KDM2B: variants seen among roughly 807,000 people sequenced by gnomAD.
KDM2B encodes lysine-specific demethylase 2B.
A neutral mutation model predicts 150.0 loss-of-function variants in KDM2B; 26 were observed. That is an observed-to-expected ratio of 0.17 (90% CI 0.13 to 0.24). The LOEUF is 0.24. Among genes scored for constraint, KDM2B ranks in the 10% least tolerant of loss-of-function variants. KDM2B has a pLI of 1.00. For synonymous variants in KDM2B, 734 were observed against 729.5 expected (o/e 1.01, Z -0.10); for missense variants, 1,265 against 1,816.9 (o/e 0.70, Z 5.52).
intron 6 of KDM2B, among the ~76,000 whole-genome samples, chr12:121,546,511 T>C (rs1428029935): frequency 2.0e-5 from 3 of 147,234 alleles, no homozygotes; most frequent in African/African-American, 5.1e-5. Flanking sequence ...GCCTCCCGAG[T>C]AGCTGGGACT....
intron 13 of KDM2B, among the ~76,000 whole-genome samples, chr12:121,449,248 G>C (rs1233781980): frequency 1.3e-5 from 2 of 152,148 alleles, no homozygotes; most frequent in African/African-American, 4.8e-5. Context: ...CATGACACTG[G>C]CAGGGACATG....
At chr12:121,460,429 C>T (rs1555293578) in intron 12 of KDM2B, among the ~76,000 whole-genome samples, 3 of 152,180 alleles carry the variant, frequency 2.0e-5, no homozygotes, top group African/African-American at 7.2e-5. Context: ...GACAGGGTCT[C>T]GCTCTGTCAC....
At chr12:121,457,053 G>T (rs893688544) in intron 12 of KDM2B, among the ~76,000 whole-genome samples, 2 of 152,122 alleles carry the variant, frequency 1.3e-5, no homozygotes, top group African/African-American at 4.8e-5. Context: ...GACCTCGGAG[G>T]CCTCCATTAA....
chr12:121,499,239 A>T (rs1555301495), intron 11 of KDM2B, among the ~76,000 whole-genome samples: 2 of 147,648 alleles, frequency 1.4e-5, no homozygotes, highest in Admixed American at 1.4e-4. Flanking sequence ...CCTCCTGGGG[A>T]GCTGGGATTA....
intron 4 of KDM2B, 73 bp downstream of exon 4, chr12:121,574,474 G>C: frequency 7.0e-7 from 1 of 1,423,366 alleles, no homozygotes; most frequent in Non-Finnish European, 9.9e-7. Flanking sequence ...AGTCTAAATG[G>C]GCAGGTGGTG....
At chr12:121,479,962 T>A (rs1555297555) in intron 12 of KDM2B, among the ~76,000 whole-genome samples, 1 of 151,724 alleles carries the variant, frequency 6.6e-6, no homozygotes, top group Non-Finnish European at 1.5e-5. Context: ...GTTCTCACCC[T>A]GCCTAGAGTG....
chr12:121,526,980 C>T (rs28823913), intron 8 of KDM2B, among the ~76,000 whole-genome samples: 3 of 151,888 alleles, frequency 2.0e-5, no homozygotes, highest in African/African-American at 7.2e-5. Context: ...TGCAGTGAGC[C>T]GAGATCATGC....
intron 13 of KDM2B, among the ~76,000 whole-genome samples, chr12:121,446,168 G>A (rs1284652222): frequency 2.6e-5 from 4 of 152,294 alleles, no homozygotes; most frequent in South Asian, 4.1e-4. Flanking sequence ...GGCCAAGGCG[G>A]GCGGATCACA....
At chr12:121,417,947 C>T in the KDM2B span, 32 of 1,592,824 alleles carry the variant, frequency 2.0e-5, no homozygotes, top group Non-Finnish European at 2.7e-5. The surrounding 1 kb of genome is among the most constrained non-coding windows in gnomAD (Gnocchi z 5.0). Flanking sequence ...CAGGGCCCGG[C>T]ACGCTTATTC....
chr12:121,474,699 T>C (rs1434121025), intron 12 of KDM2B, among the ~76,000 whole-genome samples: 2 of 152,226 alleles, frequency 1.3e-5, no homozygotes, highest in Non-Finnish European at 2.9e-5. Flanking sequence ...ACGCCTGTAA[T>C]GCCAGCACTT....
chr12:121,474,498 A>G (rs1881133288), intron 12 of KDM2B, among the ~76,000 whole-genome samples: 1 of 152,224 alleles, frequency 6.6e-6, no homozygotes, highest in African/African-American at 2.4e-5. Flanking sequence ...CCTGGGCAAC[A>G]GAGCAAGACT....
intron 6 of KDM2B, among the ~76,000 whole-genome samples, chr12:121,545,126 A>G (rs1006587698): frequency 1.3e-5 from 2 of 152,166 alleles, no homozygotes; most frequent in Non-Finnish European, 2.9e-5. Context: ...ATTAAATTCT[A>G]CAGAACTGTT....
chr12:121,502,289 G>T (rs1884639737), intron 11 of KDM2B, among the ~76,000 whole-genome samples: 1 of 152,176 alleles, frequency 6.6e-6, no homozygotes, highest in African/African-American at 2.4e-5. Context: ...CTGGTTTACA[G>T]ATGGCACAGG....
chr12:121,508,827 G>A (rs1043484488), intron 11 of KDM2B, among the ~76,000 whole-genome samples: 4 of 152,198 alleles, frequency 2.6e-5, no homozygotes, highest in Admixed American at 1.3e-4. Flanking sequence ...TCAGCTGGCC[G>A]TGTCAAGGAC....
chr12:121,560,022 T>C (rs1594128655), intron 4 of KDM2B, among the ~76,000 whole-genome samples: 1 of 152,290 alleles, frequency 6.6e-6, no homozygotes, highest in South Asian at 2.1e-4. Flanking sequence ...ATGTTTTTAT[T>C]TAGGAGACGT....
intron 6 of KDM2B, among the ~76,000 whole-genome samples, chr12:121,541,383 C>A: frequency 8.9e-6 from 1 of 112,896 alleles, no homozygotes; most frequent in Non-Finnish European, 1.6e-5. Context: ...GCAACAGAGA[C>A]AGCCCCTGTC....
chr12:121,581,183 G>C, upstream of KDM2B: 1 of 377,866 alleles, frequency 2.6e-6, no homozygotes, highest in South Asian at 5.0e-5. Context: ...CTCGGCAAGG[G>C]GAGCAGATAG....
chr12:121,420,544 G>T, the KDM2B span: 1 of 1,607,520 alleles, frequency 6.2e-7, no homozygotes, highest in Non-Finnish European at 8.5e-7. Context: ...TGGACTTATG[G>T]GACCAGGGCT....
At chr12:121,530,039 T>C (rs546779765) in intron 8 of KDM2B, among the ~76,000 whole-genome samples, 22 of 150,366 alleles carry the variant, frequency 1.5e-4, no homozygotes, top group Admixed American at 6.6e-4. Context: ...CCATCCTGGC[T>C]AACACAGTGA....
Sources: allele counts gnomAD v4.1 joint callset (sites outside exome capture counted in the v4.1 genomes callset), GRCh38; gene constraint gnomAD v4.1.1; non-coding constraint Gnocchi (gnomAD v3.1); transcripts MANE v1.5; gene names NCBI Gene and HGNC (gene_info 2026-07-23, HGNC 2026-07-21).